The following CGNL1 variants were observed in gnomAD, a reference collection of about 807,000 sequenced individuals.
CGNL1 encodes cingulin-like protein 1.
A neutral mutation model predicts 141.2 loss-of-function variants in CGNL1; 132 were observed. The ratio of observed to expected loss-of-function variants is 0.93; its 90% confidence interval spans 0.81 to 1.08. CGNL1 has a LOEUF of 1.08. CGNL1 is among the 50% of genes least tolerant of loss of function. The pLI is 0.00. For synonymous variants in CGNL1, 690 were observed against 622.1 expected, an observed-to-expected ratio of 1.11 and a Z score of -1.63; for missense variants, 1,870 against 1,588.6, an observed-to-expected ratio of 1.18 and a Z score of -3.01.
rs780813964 is a variant in CGNL1 at position 57,439,344 on chromosome 15, G to A, written c.1345G>A (p.Gly449Arg). ...SVGRTFAKLQGAAHGASCAHS... is the reference protein window; with the variant it reads ...SVGRTFAKLQRAAHGASCAHS... Reference sequence around the variant, plus strand: ...GGGCCGCACCTTTGCAAAGCTGCAGGGAGCAGCGCACGGGGCTTCATGTGC... The same window carrying A: ...GGGCCGCACCTTTGCAAAGCTGCAGAGAGCAGCGCACGGGGCTTCATGTGC... Residue 449 changes from glycine (G) to arginine (R), a missense_variant, in exon 2 of 19, where the codon GGA (glycine) becomes AGA (arginine). Transcript: ENST00000281282. 1 of 1,614,132 alleles carries A rather than the reference G, an allele frequency of 6.2e-7. No homozygotes were observed. Among genetic ancestry groups the A allele is most frequent in the Non-Finnish European group, 8.5e-7 (1 of 1,180,040 alleles).
intron 8 of CGNL1, among the ~76,000 whole-genome samples, chr15:57,507,238 A>G (rs149425900): frequency 6.6e-6 from 1 of 152,350 alleles, no homozygotes; most frequent in Non-Finnish European, 1.5e-5. Flanking sequence ...TAACTGCTCT[A>G]CATCTATTTA....
At chr15:57,431,645 C>G (rs138391069) in intron 1 of CGNL1, among the ~76,000 whole-genome samples, 58 of 152,344 alleles carry the variant, frequency 3.8e-4, no homozygotes, top group Non-Finnish European at 5.0e-4. Flanking sequence ...AACCTGCGGC[C>G]CGTGGGCTGC....
At chr15:57,516,516 C>G (rs529246380) in intron 8 of CGNL1, among the ~76,000 whole-genome samples, 2 of 152,294 alleles carry the variant, frequency 1.3e-5, no homozygotes, top group African/African-American at 4.8e-5. Flanking sequence ...GTTGCAACCA[C>G]TCGGCCCTGC....
intron 8 of CGNL1, among the ~76,000 whole-genome samples, chr15:57,465,781 C>T (rs1176828945): frequency 2.1e-4 from 32 of 152,186 alleles, no homozygotes; most frequent in Admixed American, 2.1e-3. Flanking sequence ...AGTGTCAAAA[C>T]CCCCTAAAGT....
rs768867429 is a variant in CGNL1 at position 57,546,137 on chromosome 15, G to A, written c.3671G>A (p.Arg1224Lys). 1.2e-6 allele frequency: 2 copies of A among 1,614,036 alleles called. No individual in the cohort carries two copies. Among genetic ancestry groups the A allele is most frequent in the Non-Finnish European group, 1.7e-6 (2 of 1,179,988 alleles). ...GAGGAGGCTGAGGAGGAAATCGACAGACTGGAAAGTTCTAAAAAGAAGCTG... is the reference window on the plus strand; with the variant it reads ...GAGGAGGCTGAGGAGGAAATCGACAAACTGGAAAGTTCTAAAAAGAAGCTG... ...QVEEAEEEID[R>K]LESSKKKLQR... Residue 1224 changes from arginine (R) to lysine (K), a missense_variant, in exon 18 of 19, where the codon AGA becomes AAA. By Grantham distance (26) the Arg-to-Lys change is conservative. Transcript: ENST00000281282.
chr15:57,442,238 C>G, intron 3 of CGNL1, 135 bp from the exon 4 acceptor site: 2 of 320,312 alleles, frequency 6.2e-6, no homozygotes, highest in Non-Finnish European at 5.9e-6. Flanking sequence ...CTGATTTTGT[C>G]TGAGGCTTTA....
At chr15:57,474,352 G>T (rs576243237) in intron 8 of CGNL1, among the ~76,000 whole-genome samples, 2 of 152,152 alleles carry the variant, frequency 1.3e-5, no homozygotes, top group African/African-American at 2.4e-5. Context: ...CTTTGAAGCT[G>T]CATTTTCTGA....
In CGNL1 at chr15:57,439,925, A is replaced by G. The variant is rs111888031; in HGVS notation, c.1602+324A>G. Among the ~76,000 whole-genome samples the G allele has an allele frequency of 7.1e-4, 108 of 152,356 alleles. 1 individual carries two copies. The highest frequency in any genetic ancestry group is 9.4e-4 in the African/African-American group (39 of 41,582). On this transcript the variant is annotated intron_variant, in intron 2 of 18. Transcript: ENST00000281282. ...AAGTATGCAGAATTTGTTTCTACACAGAGGCTGAATAGTTAGGTTTGTGTA... is the reference window on the plus strand; with the variant it reads ...AAGTATGCAGAATTTGTTTCTACACGGAGGCTGAATAGTTAGGTTTGTGTA...
At chr15:57,460,341 G>A (rs1436718049) in intron 7 of CGNL1, among the ~76,000 whole-genome samples, 1 of 152,188 alleles carries the variant, frequency 6.6e-6, no homozygotes, top group Admixed American at 6.5e-5. Flanking sequence ...GGAGTGAATG[G>A]GCAGTTGTGA....
intron 1 of CGNL1, among the ~76,000 whole-genome samples, chr15:57,429,701 G>T (rs2063021225): frequency 6.6e-6 from 1 of 152,180 alleles, no homozygotes; most frequent in African/African-American, 2.4e-5. Context: ...AATGCTGCTT[G>T]GTTAATTAGT....
intron 8 of CGNL1, among the ~76,000 whole-genome samples, chr15:57,492,415 C>G (rs2063878094): frequency 1.3e-5 from 2 of 152,166 alleles, no homozygotes; most frequent in African/African-American, 4.8e-5. Flanking sequence ...TGCAAGGAAA[C>G]TTTGTGAGCA....
intron 4 of CGNL1, among the ~76,000 whole-genome samples, chr15:57,450,835 A>G (rs556615819): frequency 6.6e-6 from 1 of 152,210 alleles, no homozygotes; most frequent in Middle Eastern, 3.4e-3. Flanking sequence ...TCATGGCAAA[A>G]CCAGAATTCT....
chr15:57,405,629 A>T (rs1269614864), intron 1 of CGNL1, among the ~76,000 whole-genome samples: 1 of 152,098 alleles, frequency 6.6e-6, no homozygotes, highest in African/African-American at 2.4e-5. Flanking sequence ...CAGTTCATTC[A>T]TAGGGCTCTT....
At chr15:57,447,068 G>A (rs2063262318) in intron 4 of CGNL1, among the ~76,000 whole-genome samples, 1 of 151,852 alleles carries the variant, frequency 6.6e-6, no homozygotes, top group Non-Finnish European at 1.5e-5. Flanking sequence ...TAGGAATTTT[G>A]ATTGGGATTA....
chr15:57,476,163 G>A (rs773693811), intron 8 of CGNL1, among the ~76,000 whole-genome samples: 58 of 152,138 alleles, frequency 3.8e-4, no homozygotes, highest in Non-Finnish European at 7.3e-4. Context: ...GCTGGCATAT[G>A]GCACGGAAAG....
chr15:57,524,208 A>G (rs548615597), intron 11 of CGNL1, among the ~76,000 whole-genome samples: 108 of 152,364 alleles, frequency 7.1e-4, no homozygotes, highest in African/African-American at 2.5e-3. Flanking sequence ...ATAAAATTTT[A>G]TCTGTATCTG....
intron 4 of CGNL1, among the ~76,000 whole-genome samples, chr15:57,448,032 T>C (rs938549396): frequency 6.6e-6 from 1 of 152,268 alleles, no homozygotes; most frequent in East Asian, 1.9e-4. Context: ...TTTGGCCAGG[T>C]GCAGTGGTTC....
intron 8 of CGNL1, among the ~76,000 whole-genome samples, chr15:57,507,911 C>T (rs11071324): frequency 0.12 from 18,583 of 152,114 alleles, 1,810 homozygotes; most frequent in East Asian, 0.45. Flanking sequence ...TAGACTGACC[C>T]TTTTGTGTTG....
chr15:57,384,594 G>T (rs1326082023), intron 1 of CGNL1, among the ~76,000 whole-genome samples: 1 of 152,130 alleles, frequency 6.6e-6, no homozygotes, highest in Non-Finnish European at 1.5e-5. Context: ...ATTATTGATA[G>T]CCTGTATATG....
Sources: gnomAD v4.1 joint callset for allele counts (sites outside exome capture counted in the v4.1 genomes callset) on GRCh38, gnomAD v4.1.1 for gene constraint, MANE v1.5 for transcripts, NCBI Gene and HGNC (gene_info 2026-07-23, HGNC 2026-07-21) for gene names.